ANKRD30B: variants seen among roughly 807,000 people sequenced by gnomAD.
ANKRD30B encodes the protein ankyrin repeat domain 30B, also known as ankyrin repeat domain-containing protein 30B.
ANKRD30B carries 144 observed loss-of-function variants against 202.2 expected under a neutral mutation model. The ratio of observed to expected loss-of-function variants is 0.71; its 90% CI spans 0.62 to 0.82. The LOEUF (loss-of-function observed/expected upper bound fraction) is 0.82. Ranked by LOEUF, ANKRD30B falls within the 40% of genes least tolerant of loss-of-function variation. ANKRD30B has a pLI of 0.00. For synonymous variants in ANKRD30B, 508 were observed against 561.3 expected (o/e 0.91, Z 1.34); for missense variants, 1,487 against 1,669.1 (o/e 0.89, Z 1.90).
chr18:14,908,832 A>G, the ANKRD30B span, among the ~76,000 whole-genome samples: 1 of 152,124 alleles, frequency 6.6e-6, no homozygotes, highest in Non-Finnish European at 1.5e-5. Context: ...CCCCTGTGGT[A>G]TGGGAGGATG....
At chr18:14,805,992 G>C (rs893921148) in intron 24 of ANKRD30B, among the ~76,000 whole-genome samples, 3 of 150,370 alleles carry the variant, frequency 2.0e-5, no homozygotes, top group African/African-American at 7.4e-5. Flanking sequence ...AGGCCGAGGC[G>C]GGCAGATCAC....
intron 5 of ANKRD30B, among the ~76,000 whole-genome samples, chr18:14,760,025 A>G (rs1915005860): frequency 6.6e-6 from 1 of 152,208 alleles, no homozygotes; most frequent in Non-Finnish European, 1.5e-5. Context: ...CACAGGCATG[A>G]GCCATTGCAC....
the ANKRD30B span, among the ~76,000 whole-genome samples, chr18:14,866,885 G>T: frequency 6.6e-6 from 1 of 151,960 alleles, no homozygotes; most frequent in Admixed American, 6.5e-5. Flanking sequence ...GGGGGTTAGG[G>T]GAATTAGCTG....
rs767009213 is a variant in ANKRD30B, at chr18:14,799,145, T to C, written c.2058+16T>C. The C allele has an allele frequency of 6.3e-7, 1 of 1,587,196 alleles. No homozygotes were observed. Among genetic ancestry groups the C allele is most frequent in the Non-Finnish European group, 8.6e-7 (1 of 1,158,864 alleles). On this transcript the variant is annotated intron_variant, in intron 21 of 43. Coordinates refer to ENST00000690538, the MANE Select transcript of ANKRD30B (RefSeq NM_001367607.2). Reference sequence around the variant, plus strand: ...TCTTCTGAAGGTAATAACTTTTATATTTTTATCTTGAATATTACCTACATA... The same window carrying C: ...TCTTCTGAAGGTAATAACTTTTATACTTTTATCTTGAATATTACCTACATA...
intron 33 of ANKRD30B, among the ~76,000 whole-genome samples, 186 bp from the exon 34 acceptor site, chr18:14,831,197 A>AG (rs1256199490): frequency 1.3e-5 from 2 of 151,052 alleles, no homozygotes; most frequent in African/African-American, 4.9e-5. Context: ...AAAAAAAAAA[A>AG]AAACGAAAAC....
intron 36 of ANKRD30B, among the ~76,000 whole-genome samples, chr18:14,839,450 C>T (rs547479633): frequency 9.9e-5 from 15 of 152,270 alleles, no homozygotes; most frequent in South Asian, 8.3e-4. Flanking sequence ...TTCTTAACAA[C>T]CTCGAATGAC....
At chr18:14,887,553 A>G in the ANKRD30B span, among the ~76,000 whole-genome samples, 57 of 152,042 alleles carry the variant, frequency 3.7e-4, no homozygotes, top group African/African-American at 1.3e-3. Context: ...TGAGACATCT[A>G]TTGTAAGCAT....
the ANKRD30B span, among the ~76,000 whole-genome samples, chr18:14,939,003 C>A: frequency 6.6e-6 from 1 of 152,142 alleles, no homozygotes; most frequent in Admixed American, 6.5e-5. Flanking sequence ...CTGCTGTCAT[C>A]TAGGCCAGGG....
intron 4 of ANKRD30B, among the ~76,000 whole-genome samples, chr18:14,755,369 T>G (rs1053527004): frequency 6.6e-6 from 1 of 152,070 alleles, no homozygotes; most frequent in African/African-American, 2.4e-5. Flanking sequence ...TTTTTCTAAC[T>G]TCTCTTTTTT....
the ANKRD30B span, among the ~76,000 whole-genome samples, chr18:14,915,293 T>G: frequency 6.6e-6 from 1 of 152,294 alleles, no homozygotes; most frequent in East Asian, 1.9e-4. Flanking sequence ...CCAATGTGGT[T>G]GTTTTTTCTG....
At chr18:14,845,489 C>G (rs1205096665) in intron 39 of ANKRD30B, among the ~76,000 whole-genome samples, 13 of 151,514 alleles carry the variant, frequency 8.6e-5, no homozygotes, top group Admixed American at 8.5e-4. Flanking sequence ...TTTTAAGTAT[C>G]TGTAGAATCT....
chr18:14,896,626 C>T, the ANKRD30B span, among the ~76,000 whole-genome samples: 1 of 147,084 alleles, frequency 6.8e-6, no homozygotes, highest in East Asian at 1.9e-4. Flanking sequence ...TTAAAAATGT[C>T]TTTGGTAATG....
rs1189678100 is a variant in ANKRD30B at position 14,773,435 on chromosome 18, A to G, written c.1329+1207A>G. Among the ~76,000 whole-genome samples, 3 of 152,188 alleles carry G rather than the reference A, an allele frequency of 2.0e-5. 1 individual carries two copies. The South Asian group carries it at 6.2e-4, about 32-fold the overall frequency. On this transcript the variant is annotated intron_variant, in intron 9 of 43. Coordinates refer to ENST00000690538, the MANE Select transcript of ANKRD30B (RefSeq NM_001367607.2). ...TATATAATGGAATATTACAAGTGAG[A>G]TAATATGCATGATATATCTTATAAT...
At chr18:14,873,483 C>T in the ANKRD30B span, among the ~76,000 whole-genome samples, 1 of 147,068 alleles carries the variant, frequency 6.8e-6, no homozygotes, top group Non-Finnish European at 1.5e-5. Context: ...CGAGATGGTG[C>T]CATTGCACTC....
At chr18:14,927,070 C>G in the ANKRD30B span, among the ~76,000 whole-genome samples, 1 of 151,312 alleles carries the variant, frequency 6.6e-6, no homozygotes, top group Admixed American at 6.6e-5. Context: ...TGGATTTTTA[C>G]AATAAGAAGT....
At chr18:14,932,593 C>T in the ANKRD30B span, among the ~76,000 whole-genome samples, 2 of 152,200 alleles carry the variant, frequency 1.3e-5, no homozygotes, top group African/African-American at 4.8e-5. Flanking sequence ...CCGCTTCCCC[C>T]TCCCAAAGTG....
At chr18:14,932,157 G>T in the ANKRD30B span, among the ~76,000 whole-genome samples, 4 of 150,728 alleles carry the variant, frequency 2.7e-5, no homozygotes, top group Non-Finnish European at 5.9e-5. Flanking sequence ...ATCCTTCTCT[G>T]TCGGCCCAGC....
At chr18:14,895,449 G>C in the ANKRD30B span, among the ~76,000 whole-genome samples, 2 of 152,188 alleles carry the variant, frequency 1.3e-5, no homozygotes, top group Non-Finnish European at 2.9e-5. Flanking sequence ...AAATGGTGCA[G>C]TCACATGGGA....
At chr18:14,914,595 G>A in the ANKRD30B span, among the ~76,000 whole-genome samples, 5 of 152,150 alleles carry the variant, frequency 3.3e-5, no homozygotes, top group African/African-American at 4.8e-5. Context: ...AGAGAGAAAC[G>A]CATAAATATA....
Sources: gnomAD v4.1 joint callset for allele counts (sites outside exome capture counted in the v4.1 genomes callset) on GRCh38, gnomAD v4.1.1 for gene constraint, MANE v1.5 for transcripts, NCBI Gene and HGNC (gene_info 2026-07-23, HGNC 2026-07-21) for gene names.